ZBTB40: variants seen among roughly 807,000 people sequenced by gnomAD.
ZBTB40 encodes the protein zinc finger and BTB domain containing 40.
A neutral mutation model predicts 117.5 loss-of-function variants in ZBTB40; 60 were observed. The observed-to-expected ratio is 0.51, with a 90% CI of 0.41 to 0.63. The LOEUF is 0.63. ZBTB40 is among the 30% of genes least tolerant of loss of function. The pLI is 0.00. For synonymous variants in ZBTB40, 525 were observed against 577.1 expected, an observed-to-expected ratio of 0.91 and a Z score of 1.29; for missense variants, 1,287 against 1,498.5, an observed-to-expected ratio of 0.86 and a Z score of 2.33.
chr1:22,513,388 A>G lies in ZBTB40; in HGVS notation c.2668+258A>G, dbSNP rs1639293230. On this transcript the variant is annotated intron_variant, in intron 12 of 17. Coordinates refer to ENST00000375647, the MANE Select transcript of ZBTB40 (RefSeq NM_014870.4). The surrounding 1 kb of genome is among the most constrained non-coding windows in gnomAD (Gnocchi z 4.9). ...TTATTTCATATTGCATGCCTGCAGC[A>G]CAACATCACATGTACCTTGTGAATA... 1.3e-5 allele frequency among the ~76,000 whole-genome samples: 2 copies of G among 152,184 alleles called. No homozygotes were observed. The highest frequency in any genetic ancestry group is 2.9e-5 in the Non-Finnish European group (2 of 68,026).
At chr1:22,498,833 C>T (rs2124440861) in intron 3 of ZBTB40, among the ~76,000 whole-genome samples, 1 of 150,046 alleles carries the variant, frequency 6.7e-6, no homozygotes, top group South Asian at 2.1e-4. Context: ...TAGCTATATG[C>T]TGTATCAATT....
At chr1:22,455,516 CAG>C (rs1640985201) in intron 1 of ZBTB40, among the ~76,000 whole-genome samples, 1 of 152,136 alleles carries the variant, frequency 6.6e-6, no homozygotes, top group African/African-American at 2.4e-5. Flanking sequence ...AAGAACTGGA[CAG>C]AGAGTGTCAT....
upstream of ZBTB40, among the ~76,000 whole-genome samples, chr1:22,449,593 A>G (rs984611467): frequency 1.1e-4 from 16 of 152,360 alleles, no homozygotes; most frequent in African/African-American, 3.6e-4. Context: ...CTGTGGATAC[A>G]TGTGTGGGGT....
At position 22,529,995 on chromosome 1, in the gene ZBTB40, CGTG is replaced by C. The variant is rs1472916742; in HGVS notation, c.*3602_*3604del. The C allele has an allele frequency of 6.6e-6, 1 of 151,362 alleles. No homozygotes were observed. Among genetic ancestry groups the C allele is most frequent in the Non-Finnish European group, 1.5e-5 (1 of 67,920 alleles). The allele number at this position is 151,362 out of a possible 1,614,324, so 9.4% of individuals were successfully genotyped here. ...TCGTCTCTCACCTGGGGGCTGGTGA[CGTG>C]GTCACCACAAGCTGAAGACAGGCTA... is the stretch of plus-strand genomic sequence containing the variant. On this transcript the variant is annotated 3_prime_UTR_variant, in exon 18 of 18. Transcript: ENST00000375647.
rs1210540395 is a variant in ZBTB40 at position 22,490,440 on chromosome 1, T to A, written c.492T>A (p.Ala164=). ...AGCCTCATTCTTCCCCAGAGCTTGC[T>A]GCCACTCCAGGGGGCCCTGTGAAAG... is the stretch of plus-strand genomic sequence containing the variant. ...AGEPHSSPEL[A]ATPGGPVKAE... Residue 164 remains alanine, a synonymous_variant, in exon 2 of 18, where the codon GCT becomes GCA. Coordinates refer to ENST00000375647, the MANE Select transcript of ZBTB40 (RefSeq NM_014870.4). The A allele has an allele frequency of 6.2e-7, 1 of 1,606,566 alleles. No homozygotes were observed. The highest frequency in any genetic ancestry group is 8.5e-7 in the Non-Finnish European group (1 of 1,175,338).
intron 3 of ZBTB40, among the ~76,000 whole-genome samples, chr1:22,496,331 G>A (rs796130638): frequency 1.3e-5 from 2 of 152,160 alleles, no homozygotes; most frequent in African/African-American, 4.8e-5. Context: ...ACCAGGTAGT[G>A]CTCAGAAGCA....
intron 1 of ZBTB40, among the ~76,000 whole-genome samples, chr1:22,487,136 A>G (rs552002021): frequency 1.1e-4 from 16 of 152,290 alleles, no homozygotes; most frequent in African/African-American, 3.6e-4. Flanking sequence ...CTGACGAATT[A>G]AAGAAGAGTT....
In ZBTB40 at chr1:22,526,313, C is replaced by G; in HGVS notation, c.3637C>G (p.Gln1213Glu). The G allele has an allele frequency of 6.2e-7, 1 of 1,614,220 alleles. No individual in the cohort carries two copies. Among genetic ancestry groups the G allele is most frequent in the Non-Finnish European group, 8.5e-7 (1 of 1,180,046 alleles). ...GACGTTGCCAGATTCTCAGGCATCT[C>G]AGGCCAGCTCTGAGCTCGTGGCGGT... is the stretch of plus-strand genomic sequence containing the variant. Reference protein sequence around the residue: ...FVTLPDSQASQASSELVAVTV... With the variant: ...FVTLPDSQASEASSELVAVTV... The change falls in exon 18 of 18, where the codon CAG becomes GAG. Residue 1213 changes from glutamine to glutamate, a missense_variant. Transcript: ENST00000375647.
intron 16 of ZBTB40, 69 bp from the exon 17 acceptor site, chr1:22,524,149 C>T (rs1288336504): frequency 5.5e-6 from 8 of 1,445,146 alleles, no homozygotes; most frequent in Non-Finnish European, 7.7e-6. Context: ...GTCTTCCTGC[C>T]CTCATTTCTC....
At chr1:22,516,754 CTTTA>C (rs1170995844) in intron 12 of ZBTB40, among the ~76,000 whole-genome samples, 2 of 152,142 alleles carry the variant, frequency 1.3e-5, no homozygotes, top group African/African-American at 4.8e-5. Context: ...CAGACTTGTT[CTTTA>C]TCCACATTTT....
intron 12 of ZBTB40, among the ~76,000 whole-genome samples, chr1:22,515,143 A>C (rs959518091): frequency 2.0e-5 from 3 of 152,220 alleles, no homozygotes; most frequent in African/African-American, 7.2e-5. Context: ...AGATGGAGCC[A>C]GTGAAAGACC....
rs1062663 is a variant in ZBTB40 at position 22,530,108 on chromosome 1, T to C, written c.*3712T>C. 0.32 allele frequency: 48,012 copies of C among 151,818 alleles called. 8,376 individuals are homozygous for C. Among genetic ancestry groups the C allele is most frequent in the East Asian group, 0.46 (2,385 of 5,216 alleles). The allele number at this position is 151,818 out of a possible 1,614,324, so 9.4% of individuals were successfully genotyped here. A position where few individuals can be genotyped will look rare whatever the true frequency, so the allele number is the denominator to read the frequency against. ...GAGGGAGGGAAGTGCTAACCATGTATAGAGTGGGCAGGCGGTTCCAGGGAG... is the reference window on the plus strand; with the variant it reads ...GAGGGAGGGAAGTGCTAACCATGTACAGAGTGGGCAGGCGGTTCCAGGGAG... On this transcript the variant is annotated 3_prime_UTR_variant, in exon 18 of 18. Coordinates refer to ENST00000375647, the MANE Select transcript of ZBTB40 (RefSeq NM_014870.4).
At chr1:22,458,660 G>A (rs1440986521) in intron 1 of ZBTB40, among the ~76,000 whole-genome samples, 2 of 152,190 alleles carry the variant, frequency 1.3e-5, no homozygotes, top group South Asian at 2.1e-4. Flanking sequence ...ATTATCTTCT[G>A]TGTAGTTGTA....
chr1:22,434,311 T>C (rs1488428518), intron 1 of ZBTB40, among the ~76,000 whole-genome samples: 2 of 151,926 alleles, frequency 1.3e-5, no homozygotes, highest in Non-Finnish European at 2.9e-5. Context: ...TTTGGTCTTG[T>C]TCTTGTGAAT....
intron 1 of ZBTB40, 43 bp from the exon 2 acceptor site, chr1:22,489,837 G>A: frequency 1.0e-6 from 1 of 984,818 alleles, no homozygotes; most frequent in Non-Finnish European, 1.6e-6. Context: ...CTTTCCCTAT[G>A]GTTTTTTGAA....
At chr1:22,456,083 T>C (rs1640998315) in intron 1 of ZBTB40, among the ~76,000 whole-genome samples, 1 of 152,078 alleles carries the variant, frequency 6.6e-6, no homozygotes, top group Non-Finnish European at 1.5e-5. Flanking sequence ...GTTTTCTGGA[T>C]CTCCAATAGT....
chr1:22,432,171 C>T (rs1486856153), intron 1 of ZBTB40, among the ~76,000 whole-genome samples: 2 of 152,172 alleles, frequency 1.3e-5, no homozygotes, highest in Non-Finnish European at 2.9e-5. Flanking sequence ...GCTTCTCTTC[C>T]TGGTTCTGGG....
chr1:22,481,522 A>G (rs1638316819), intron 1 of ZBTB40, among the ~76,000 whole-genome samples: 1 of 151,966 alleles, frequency 6.6e-6, no homozygotes, highest in Admixed American at 6.5e-5. Flanking sequence ...CTTCTTATTT[A>G]GTTGTTCACA....
At position 22,517,558 on chromosome 1, in the gene ZBTB40, A is replaced by G. The variant is rs1361271718; in HGVS notation, c.2833+94A>G. On this transcript the variant is annotated intron_variant, in intron 13 of 17. Transcript: ENST00000375647. The stretch of plus-strand genomic sequence containing the variant: ...CAGAGGTGTCAATCCATCAGACCCA[A>G]GCTCCATTCAGTGCATTCCCCTTAC... The G allele has an allele frequency of 2.7e-6, 4 of 1,464,418 alleles. No homozygotes were observed. In the East Asian group the frequency reaches 9.2e-5, roughly 34 times the overall value. 90.7% of individuals were successfully genotyped at this position (1,464,418 alleles called of 1,614,324 possible).
Sources: allele counts gnomAD v4.1 joint callset (sites outside exome capture counted in the v4.1 genomes callset), GRCh38; gene constraint gnomAD v4.1.1; non-coding constraint Gnocchi (gnomAD v3.1); transcripts MANE v1.5; gene names NCBI Gene and HGNC (gene_info 2026-07-23, HGNC 2026-07-21).